Variants in LMOD1 observed in about 807,000 individuals in gnomAD.
The protein encoded by LMOD1 is leiomodin 1, also known as leiomodin-1.
In LMOD1, 8 loss-of-function variants were observed where a neutral mutation model predicts 36.5. That is an observed-to-expected ratio of 0.22 (90% CI 0.13 to 0.40). LMOD1 has a LOEUF of 0.40. Among genes scored for constraint, LMOD1 ranks in the 10% least tolerant of loss-of-function variants. The pLI is 1.00. For synonymous variants in LMOD1, 284 were observed against 288.7 expected, an observed-to-expected ratio of 0.98 and a Z score of 0.17; for missense variants, 630 against 751.1, an observed-to-expected ratio of 0.84 and a Z score of 1.88.
At chr1:201,922,608 G>C (rs182518550) in intron 1 of LMOD1, among the ~76,000 whole-genome samples, 3 of 152,180 alleles carry the variant, frequency 2.0e-5, no homozygotes, top group Admixed American at 1.3e-4. Flanking sequence ...GATGATAGCT[G>C]TGGGGTTTCT....
chr1:201,944,736 G>A (rs908029776), intron 1 of LMOD1, among the ~76,000 whole-genome samples: 42 of 151,776 alleles, frequency 2.8e-4, no homozygotes, highest in African/African-American at 6.1e-4. Context: ...GTGGGGCGGG[G>A]GGGGGCGGTA....
At chr1:201,933,658 TA>T (rs1681969431) in intron 1 of LMOD1, among the ~76,000 whole-genome samples, 2 of 143,658 alleles carry the variant, frequency 1.4e-5, no homozygotes, top group South Asian at 2.2e-4. Flanking sequence ...GAAATCAGGA[TA>T]GGGGCTATCT....
At chr1:201,929,648 G>C (rs755184196) in intron 1 of LMOD1, among the ~76,000 whole-genome samples, 1 of 152,186 alleles carries the variant, frequency 6.6e-6, no homozygotes, top group Non-Finnish European at 1.5e-5. Context: ...TCTCAGAAGG[G>C]TATAGATGAA....
chr1:201,922,795 T>C (rs1469446426), intron 1 of LMOD1, among the ~76,000 whole-genome samples: 2 of 151,638 alleles, frequency 1.3e-5, no homozygotes, highest in Admixed American at 6.6e-5. Flanking sequence ...ACTGCTTTTT[T>C]TCTAAAAACA....
At chr1:201,945,301 C>T (rs1682184729) in intron 1 of LMOD1, among the ~76,000 whole-genome samples, 2 of 152,154 alleles carry the variant, frequency 1.3e-5, no homozygotes, top group South Asian at 2.1e-4. Context: ...CTTCCAAAAC[C>T]GTCACCCCTT....
chr1:201,901,840 CA>C (rs1681332087), intron 1 of LMOD1, among the ~76,000 whole-genome samples: 1 of 147,934 alleles, frequency 6.8e-6, no homozygotes, highest in Non-Finnish European at 1.5e-5. Context: ...TTCTGAGATA[CA>C]GAAATTTTAT....
intron 1 of LMOD1, among the ~76,000 whole-genome samples, chr1:201,921,604 T>C (rs1681705982): frequency 6.6e-6 from 1 of 150,914 alleles, no homozygotes; most frequent in South Asian, 2.1e-4. Context: ...GGAGTAAATA[T>C]GGTGACTCTG....
chr1:201,901,025 T>C (rs532590028), intron 1 of LMOD1, among the ~76,000 whole-genome samples: 1 of 152,292 alleles, frequency 6.6e-6, no homozygotes, highest in Admixed American at 6.5e-5. Context: ...GTTCCTTTTA[T>C]GGAGTATTCT....
At position 201,898,521 on chromosome 1, in the gene LMOD1, A is replaced by T. The variant is rs1681232562; in HGVS notation, c.1777-123T>A. ...TCTGTGGAATGTGAATGAGGTGTTGACACTGAGGGAGCATTTTTCATTGTC... is the reference window on the plus strand; with the variant it reads ...TCTGTGGAATGTGAATGAGGTGTTGTCACTGAGGGAGCATTTTTCATTGTC... On this transcript the variant is annotated intron_variant, in intron 2 of 2. Transcript: ENST00000367288. The T allele has an allele frequency of 4.0e-6, 3 of 758,310 alleles. No individual in the cohort carries two copies. The South Asian group carries it at 6.4e-5, about 16-fold the overall frequency. 47.0% of individuals were successfully genotyped at this position (758,310 alleles called of 1,614,324 possible).
chr1:201,944,965 A>G (rs1173171576), intron 1 of LMOD1, among the ~76,000 whole-genome samples: 1 of 152,186 alleles, frequency 6.6e-6, no homozygotes, highest in Non-Finnish European at 1.5e-5. Context: ...TGTCATTTGA[A>G]GCTCTGTGCC....
At chr1:201,930,311 G>T (rs1010171370) in intron 1 of LMOD1, among the ~76,000 whole-genome samples, 17 of 152,138 alleles carry the variant, frequency 1.1e-4, no homozygotes, top group African/African-American at 4.1e-4. Context: ...CAGTTAGGAG[G>T]CTGTGACGTT....
At chr1:201,937,185 T>A (rs976282524) in intron 1 of LMOD1, among the ~76,000 whole-genome samples, 1 of 152,198 alleles carries the variant, frequency 6.6e-6, no homozygotes, top group Non-Finnish European at 1.5e-5. Flanking sequence ...TGGTGGCTCA[T>A]GCCCGTATCC....
chr1:201,928,942 T>C (rs1297189734), intron 1 of LMOD1, among the ~76,000 whole-genome samples: 3 of 152,112 alleles, frequency 2.0e-5, no homozygotes, highest in Admixed American at 6.6e-5. Flanking sequence ...TGTCTTGAAC[T>C]CCTGACCTCA....
intron 1 of LMOD1, among the ~76,000 whole-genome samples, chr1:201,942,227 C>T (rs984302745): frequency 7.2e-5 from 11 of 152,172 alleles, no homozygotes; most frequent in African/African-American, 2.7e-4. Flanking sequence ...GTGTGCTGGG[C>T]CCTGCATTTG....
At chr1:201,931,413 T>G (rs898597355) in intron 1 of LMOD1, among the ~76,000 whole-genome samples, 4 of 151,670 alleles carry the variant, frequency 2.6e-5, no homozygotes, top group African/African-American at 9.7e-5. Flanking sequence ...TGCGTGCCTG[T>G]AATCCCAGCT....
intron 1 of LMOD1, among the ~76,000 whole-genome samples, chr1:201,925,548 T>C (rs557088125): frequency 6.6e-6 from 1 of 152,246 alleles, no homozygotes; most frequent in South Asian, 2.1e-4. Context: ...TTGGTTATGG[T>C]TTGGTATTGG....
At position 201,900,756 on chromosome 1, in the gene LMOD1, G is replaced by A. The variant is rs1329517182; in HGVS notation, c.262-5C>T. 3 of 1,572,836 alleles carry A rather than the reference G, an allele frequency of 1.9e-6. No individual in the cohort carries two copies. The highest frequency in any genetic ancestry group is 2.6e-6 in the Non-Finnish European group (3 of 1,162,844). ...GGTCTCCACTTGCTTGCTTTCCTAA[G>A]AATTCAGAAAAGAAAAATAATCATG... On this transcript the variant is annotated splice_polypyrimidine_tract_variant and splice_region_variant and intron_variant, in intron 1 of 2. Coordinates refer to ENST00000367288, the MANE Select transcript of LMOD1 (RefSeq NM_012134.3).
At chr1:201,933,152 G>A (rs948538773) in intron 1 of LMOD1, among the ~76,000 whole-genome samples, 3 of 152,140 alleles carry the variant, frequency 2.0e-5, no homozygotes, top group Admixed American at 2.0e-4. Context: ...GGTGGCTCAC[G>A]CTTGTAATCC....
At chr1:201,921,779 T>C (rs1681709899) in intron 1 of LMOD1, among the ~76,000 whole-genome samples, 1 of 151,676 alleles carries the variant, frequency 6.6e-6, no homozygotes, top group African/African-American at 2.4e-5. Flanking sequence ...GCTAACACAG[T>C]GAAACCCCAT....
Sources: gnomAD v4.1 joint callset for allele counts (sites outside exome capture counted in the v4.1 genomes callset) on GRCh38, gnomAD v4.1.1 for gene constraint, MANE v1.5 for transcripts, NCBI Gene and HGNC (gene_info 2026-07-23, HGNC 2026-07-21) for gene names.